The following MIS18A variants were observed in gnomAD, a reference collection of about 807,000 sequenced individuals.
The protein encoded by MIS18A is MIS18 kinetochore protein A.
A neutral mutation model predicts 25.0 loss-of-function variants in MIS18A; 14 were observed. That is an observed-to-expected ratio of 0.56 (90% CI 0.37 to 0.88). The LOEUF is 0.88. Among genes scored for constraint, MIS18A ranks in the 40% least tolerant of loss-of-function variants. MIS18A has a pLI of 0.00. For synonymous variants in MIS18A, 134 were observed against 118.6 expected, an observed-to-expected ratio of 1.13 and a Z score of -0.84; for missense variants, 292 against 290.8, an observed-to-expected ratio of 1.00 and a Z score of -0.03.
the MIS18A span, among the ~76,000 whole-genome samples, chr21:32,224,429 G>C: frequency 6.6e-6 from 1 of 151,388 alleles, no homozygotes; most frequent in Non-Finnish European, 1.5e-5. Flanking sequence ...CTTCAGCAAA[G>C]TCTCAGGATA....
downstream of MIS18A, among the ~76,000 whole-genome samples, chr21:32,265,640 C>T (rs560858226): frequency 5.9e-5 from 9 of 152,226 alleles, no homozygotes; most frequent in Non-Finnish European, 1.3e-4. Flanking sequence ...CTGTGTGGCC[C>T]GAGCCTCCCC....
At chr21:32,156,776 A>C in the MIS18A span, among the ~76,000 whole-genome samples, 3 of 151,790 alleles carry the variant, frequency 2.0e-5, no homozygotes, top group Non-Finnish European at 1.5e-5. Context: ...AAGGCTTCTT[A>C]AACAGACCTA....
the MIS18A span, among the ~76,000 whole-genome samples, chr21:32,230,578 C>G: frequency 6.6e-6 from 1 of 152,122 alleles, no homozygotes; most frequent in African/African-American, 2.4e-5. Context: ...GTGTTCCTAC[C>G]TGCCCGTATA....
chr21:32,205,097 CTTTTT>C, the MIS18A span, among the ~76,000 whole-genome samples: 1 of 66,182 alleles, frequency 1.5e-5, no homozygotes, highest in African/African-American at 6.4e-5. Context: ...AGAACTTGTC[CTTTTT>C]TTTTTTTTTT....
At chr21:32,218,628 C>A in the MIS18A span, among the ~76,000 whole-genome samples, 1 of 151,888 alleles carries the variant, frequency 6.6e-6, no homozygotes, top group Non-Finnish European at 1.5e-5. Flanking sequence ...TAAATGTAAT[C>A]CCTAGGGCAA....
the MIS18A span, among the ~76,000 whole-genome samples, chr21:32,219,416 C>T: frequency 6.6e-6 from 1 of 152,162 alleles, no homozygotes; most frequent in Non-Finnish European, 1.5e-5. Flanking sequence ...CCATGAGGGA[C>T]TGTGCTGTGA....
the MIS18A span, among the ~76,000 whole-genome samples, chr21:32,155,584 G>C: frequency 2.0e-4 from 30 of 152,074 alleles, no homozygotes; most frequent in Admixed American, 1.4e-3. Context: ...GTTCCATTAG[G>C]GCACCAACTG....
At chr21:32,265,726 A>G (rs1052049918), downstream of MIS18A, among the ~76,000 whole-genome samples, 9 of 152,354 alleles carry the variant, frequency 5.9e-5, no homozygotes, top group African/African-American at 1.2e-4. Flanking sequence ...AGCACAGGGC[A>G]CAGGACGGGC....
chr21:32,260,095 T>TTTTTTTTTTTTTTTTTTTTC, the MIS18A span: 1 of 149,584 alleles, frequency 6.7e-6, no homozygotes, highest in African/African-American at 2.5e-5. Flanking sequence ...TTTTTTTTTT[T>TTTTTTTTTTTTTTTTTTTTC]CAGATTTTTC....
At chr21:32,168,557 TAC>T in the MIS18A span, among the ~76,000 whole-genome samples, 6 of 152,318 alleles carry the variant, frequency 3.9e-5, no homozygotes, top group South Asian at 1.2e-3. Flanking sequence ...TAATATGTGG[TAC>T]AGTTTCTTAT....
At chr21:32,233,625 T>C in the MIS18A span, among the ~76,000 whole-genome samples, 1 of 152,234 alleles carries the variant, frequency 6.6e-6, no homozygotes, top group African/African-American at 2.4e-5. Flanking sequence ...CCACTTCTTA[T>C]GCTACCATTG....
the MIS18A span, among the ~76,000 whole-genome samples, chr21:32,238,480 T>C: frequency 6.6e-6 from 1 of 152,214 alleles, no homozygotes; most frequent in Non-Finnish European, 1.5e-5. Context: ...AAATAATTTA[T>C]GTTCCTTCTA....
At chr21:32,206,848 C>T in the MIS18A span, among the ~76,000 whole-genome samples, 11 of 152,116 alleles carry the variant, frequency 7.2e-5, no homozygotes, top group African/African-American at 2.4e-4. Context: ...GTGAATGCCC[C>T]GCTGTCTCTA....
the MIS18A span, among the ~76,000 whole-genome samples, chr21:32,241,402 G>A: frequency 6.6e-6 from 1 of 151,076 alleles, no homozygotes; most frequent in African/African-American, 2.4e-5. Flanking sequence ...GAAAGCAACA[G>A]AGCCAACTGT....
chr21:32,223,637 A>C, the MIS18A span, among the ~76,000 whole-genome samples: 1 of 152,252 alleles, frequency 6.6e-6, no homozygotes. Flanking sequence ...GCAGTGATTA[A>C]TAGCTTACCA....
At chr21:32,271,627 T>A (rs2031715983) in intron 2 of MIS18A, among the ~76,000 whole-genome samples, 2 of 152,224 alleles carry the variant, frequency 1.3e-5, no homozygotes, top group Admixed American at 6.5e-5. Context: ...TTTAGTTTTA[T>A]AGTAGAAATA....
the MIS18A span, among the ~76,000 whole-genome samples, chr21:32,193,475 GATA>G: frequency 1.8e-4 from 17 of 94,056 alleles, no homozygotes; most frequent in African/African-American, 5.6e-4. Flanking sequence ...ATGATAGATA[GATA>G]GGTAGATAGA....
At chr21:32,271,832 A>G (rs2031719878) in intron 2 of MIS18A, among the ~76,000 whole-genome samples, 1 of 152,206 alleles carries the variant, frequency 6.6e-6, no homozygotes, top group Non-Finnish European at 1.5e-5. Context: ...CCTCCATGCT[A>G]TATATCAAAC....
chr21:32,267,634 G>A (rs1470252572), downstream of MIS18A, among the ~76,000 whole-genome samples: 1 of 152,204 alleles, frequency 6.6e-6, no homozygotes, highest in Admixed American at 6.5e-5. Context: ...AATGCTTGCT[G>A]GAGTACTCTG....
Sources: allele counts gnomAD v4.1 joint callset (sites outside exome capture counted in the v4.1 genomes callset), GRCh38; gene constraint gnomAD v4.1.1; transcripts MANE v1.5; gene names NCBI Gene and HGNC (gene_info 2026-07-23, HGNC 2026-07-21).